The following AK3 variants were observed in gnomAD, a reference collection of about 807,000 sequenced individuals.
The protein encoded by AK3 is GTP:AMP phosphotransferase AK3, mitochondrial.
Under a neutral mutation model 23.7 loss-of-function variants are expected in AK3, and 27 were observed. The observed-to-expected ratio is 1.14, with a 90% CI of 0.84 to 1.57. The LOEUF is 1.57. AK3 is among the 40% of genes most tolerant of loss of function. The pLI is 0.00. For missense variants in AK3, 406 were observed against 285.6 expected, an observed-to-expected ratio of 1.42 and a Z score of -3.04; for synonymous variants, 159 against 116.0, an observed-to-expected ratio of 1.37 and a Z score of -2.38.
chr9:4,712,736 A>T lies in AK3; in HGVS notation c.*240T>A. 3.2e-6 allele frequency: 1 copy of T among 310,098 alleles called. No homozygotes were observed. Among genetic ancestry groups the T allele is most frequent in the Non-Finnish European group, 5.7e-6 (1 of 174,042 alleles). 19.2% of individuals were successfully genotyped at this position (310,098 alleles called of 1,614,324 possible). A position where few individuals can be genotyped will look rare whatever the true frequency, so the allele number is the denominator to read the frequency against. On this transcript the variant is annotated 3_prime_UTR_variant, in exon 5 of 5. Transcript: ENST00000381809. ...GCTCTAACAGATGTTTTAAAGGTTC[A>T]GACATCGCTGATGTTTTTGAGGATA...
At chr9:4,736,612 C>T (rs994278813) in intron 1 of AK3, among the ~76,000 whole-genome samples, 5 of 151,768 alleles carry the variant, frequency 3.3e-5, no homozygotes, top group Non-Finnish European at 5.9e-5. Context: ...TTATCTACTA[C>T]ATTCATCTCC....
At chr9:4,726,695 G>A (rs997706122) in intron 1 of AK3, among the ~76,000 whole-genome samples, 1 of 151,448 alleles carries the variant, frequency 6.6e-6, no homozygotes, top group African/African-American at 2.4e-5. Flanking sequence ...CCAAACTCCT[G>A]TTAATGTTGA....
chr9:4,728,862 T>TACACACAC (rs1315242329), intron 1 of AK3, among the ~76,000 whole-genome samples: 86 of 71,448 alleles, frequency 1.2e-3, no homozygotes, highest in African/African-American at 3.4e-3. Context: ...TATATATATA[T>TACACACAC]ATATACACAC....
chr9:4,732,122 T>G (rs1441006119), intron 1 of AK3, among the ~76,000 whole-genome samples: 1 of 151,194 alleles, frequency 6.6e-6, no homozygotes, highest in African/African-American at 2.4e-5. Context: ...GCTAATTTTT[T>G]TTACTTTTTT....
At chr9:4,736,395 T>A (rs955786995) in intron 1 of AK3, among the ~76,000 whole-genome samples, 10 of 151,562 alleles carry the variant, frequency 6.6e-5, no homozygotes, top group Admixed American at 2.6e-4. Context: ...GCATAAAATA[T>A]CTTGGAAGAA....
At chr9:4,722,023 T>C (rs1587644297) in intron 2 of AK3, among the ~76,000 whole-genome samples, 1 of 152,224 alleles carries the variant, frequency 6.6e-6, no homozygotes, top group Non-Finnish European at 1.5e-5. Flanking sequence ...AAAAGGATAT[T>C]ATGACTCAGA....
At chr9:4,725,911 A>C (rs563083071) in intron 1 of AK3, among the ~76,000 whole-genome samples, 129 of 152,264 alleles carry the variant, frequency 8.5e-4, no homozygotes, top group Non-Finnish European at 1.4e-3. Context: ...AAAGACACAT[A>C]CAGGCCTACC....
intron 1 of AK3, among the ~76,000 whole-genome samples, chr9:4,726,502 C>T (rs1337208448): frequency 6.6e-6 from 1 of 152,158 alleles, no homozygotes; most frequent in Non-Finnish European, 1.5e-5. Context: ...ACGTTCTTTG[C>T]TCATTCATTA....
intron 1 of AK3, among the ~76,000 whole-genome samples, chr9:4,730,470 T>G (rs1842127373): frequency 6.6e-6 from 1 of 152,144 alleles, no homozygotes; most frequent in African/African-American, 2.4e-5. Context: ...TATAAAAACT[T>G]TCATTGCCTG....
chr9:4,731,498 C>G (rs1350569898), intron 1 of AK3, among the ~76,000 whole-genome samples: 1 of 151,146 alleles, frequency 6.6e-6, no homozygotes, highest in African/African-American at 2.4e-5. Context: ...ATATCATGAA[C>G]TTTCTATATC....
At chr9:4,736,715 C>T (rs548698441) in intron 1 of AK3, among the ~76,000 whole-genome samples, 9 of 151,684 alleles carry the variant, frequency 5.9e-5, no homozygotes, top group Non-Finnish European at 1.3e-4. Flanking sequence ...CAGGGTCTCA[C>T]TCTGTCACTG....
chr9:4,734,006 G>A (rs996572102), intron 1 of AK3, among the ~76,000 whole-genome samples: 14 of 152,146 alleles, frequency 9.2e-5, no homozygotes, highest in African/African-American at 3.4e-4. Context: ...TTTACATGTT[G>A]TTATAGATGG....
intron 1 of AK3, among the ~76,000 whole-genome samples, chr9:4,736,978 A>C (rs947932342): frequency 2.6e-5 from 4 of 152,182 alleles, no homozygotes; most frequent in South Asian, 4.2e-4. Flanking sequence ...ACACCTAGCC[A>C]GGGTTATGTC....
At position 4,711,239 on chromosome 9, in the gene AK3, A is replaced by C. The variant is rs992495609; in HGVS notation, c.*1737T>G. On this transcript the variant is annotated 3_prime_UTR_variant, in exon 5 of 5. Transcript: ENST00000381809. ...AGCAGAAAGGAAGGTGGGATGGAGCAGGCCCTGTGAAGGACCAAGAACAAA... is the reference window on the plus strand; with the variant it reads ...AGCAGAAAGGAAGGTGGGATGGAGCCGGCCCTGTGAAGGACCAAGAACAAA... The C allele has an allele frequency of 2.6e-5, 4 of 152,720 alleles. No homozygotes were observed. The highest frequency in any genetic ancestry group is 9.6e-5 in the African/African-American group (4 of 41,468). 9.5% of individuals were successfully genotyped at this position (152,720 alleles called of 1,614,324 possible).
At chr9:4,739,753 A>G (rs966847598) in intron 1 of AK3, among the ~76,000 whole-genome samples, 2 of 151,996 alleles carry the variant, frequency 1.3e-5, no homozygotes, top group Admixed American at 6.6e-5. Context: ...AACACAGTGA[A>G]ACCCCATCGC....
At chr9:4,717,079 C>T (rs1841756301) in intron 4 of AK3, among the ~76,000 whole-genome samples, 2 of 152,212 alleles carry the variant, frequency 1.3e-5, no homozygotes, top group South Asian at 4.1e-4. Context: ...CCATATTAAT[C>T]TTTCAAACCT....
At chr9:4,739,690 G>GGAAGGCC (rs1190282094) in intron 1 of AK3, among the ~76,000 whole-genome samples, 1 of 151,854 alleles carries the variant, frequency 6.6e-6, no homozygotes, top group East Asian at 1.9e-4. Flanking sequence ...CGAGCACTTT[G>GGAAGGCC]GAAGGCCGAG....
At chr9:4,718,316 T>C in intron 4 of AK3, 103 bp downstream of exon 4, 1 of 824,076 alleles carries the variant, frequency 1.2e-6, no homozygotes, top group Non-Finnish European at 2.1e-6. Context: ...CCATGTGAAC[T>C]GGGTCTTTTG....
chr9:4,734,377 C>G (rs1303270785), intron 1 of AK3, among the ~76,000 whole-genome samples: 1 of 152,166 alleles, frequency 6.6e-6, no homozygotes, highest in African/African-American at 2.4e-5. Flanking sequence ...ACACACATGT[C>G]CATCTGCCCT....
Sources: allele counts gnomAD v4.1 joint callset (sites outside exome capture counted in the v4.1 genomes callset), GRCh38; gene constraint gnomAD v4.1.1; transcripts MANE v1.5; gene names NCBI Gene and HGNC (gene_info 2026-07-23, HGNC 2026-07-21).